Variants in ROPN1 observed in about 807,000 individuals in gnomAD.
ROPN1 encodes ropporin-1A.
ROPN1 carries 14 observed loss-of-function variants against 20.5 expected under a neutral mutation model. The observed-to-expected ratio is 0.68, with a 90% CI of 0.45 to 1.07. ROPN1 has a LOEUF of 1.07. Among genes scored for constraint, ROPN1 ranks in the 50% least tolerant of loss-of-function variants. ROPN1 has a pLI of 0.00. For synonymous variants in ROPN1, 76 were observed against 95.7 expected (o/e 0.79, Z 1.20); for missense variants, 169 against 242.8 (o/e 0.70, Z 2.02).
At chr3:123,969,604 C>T (rs1445454329) in intron 5 of ROPN1, among the ~76,000 whole-genome samples, 5 of 152,216 alleles carry the variant, frequency 3.3e-5, no homozygotes, top group African/African-American at 4.8e-5. Flanking sequence ...CCATGACCGG[C>T]CCTCTTTTTC....
intron 4 of ROPN1, among the ~76,000 whole-genome samples, chr3:123,973,659 G>A (rs1182688252): frequency 6.6e-6 from 1 of 152,174 alleles, no homozygotes; most frequent in Non-Finnish European, 1.5e-5. Context: ...TTACTGTGAG[G>A]TATGGGGATA....
Position 123,976,934 on chromosome 3 carries a change from C to G in ROPN1, c.164G>C (p.Arg55Pro), listed in dbSNP as rs149212157. 1 of 1,614,100 alleles carries G rather than the reference C, an allele frequency of 6.2e-7. No individual in the cohort carries two copies. The stretch of plus-strand genomic sequence containing the variant: ...GTTACACAAAGCGACTCGCTCAGAC[C>G]GCTCTCTCACCGGAGGCGTCTCTCC... The part of the protein sequence containing the change: ...SRGETPPVRE[R>P]SERVALCNRA... The change falls in exon 3 of 6, where the codon CGG becomes CCG. Residue 55 changes from arginine (R) to proline (P), a missense_variant. Transcript: ENST00000405845.
At chr3:123,983,854 C>G (rs2038200397) in intron 1 of ROPN1, among the ~76,000 whole-genome samples, 1 of 152,164 alleles carries the variant, frequency 6.6e-6, no homozygotes, top group African/African-American at 2.4e-5. Context: ...AATATATTAG[C>G]ATTATTTCAC....
At chr3:123,988,540 G>A (rs1182134374) in intron 1 of ROPN1, among the ~76,000 whole-genome samples, 1 of 152,106 alleles carries the variant, frequency 6.6e-6, no homozygotes, top group Non-Finnish European at 1.5e-5. Flanking sequence ...CATTCCTGAT[G>A]ATATTCAGCA....
intron 5 of ROPN1, 58 bp downstream of exon 5, chr3:123,969,984 C>T: frequency 6.5e-7 from 1 of 1,550,366 alleles, no homozygotes; most frequent in African/African-American, 1.4e-5. Flanking sequence ...ACTATCTTGG[C>T]CAGCTAGATT....
At chr3:123,973,475 C>T (rs1228715040) in intron 4 of ROPN1, among the ~76,000 whole-genome samples, 1 of 152,118 alleles carries the variant, frequency 6.6e-6, no homozygotes, top group Non-Finnish European at 1.5e-5. Context: ...AGATGAACCT[C>T]ATGGAATATT....
chr3:123,969,209 AT>A lies in ROPN1; in HGVS notation c.584del (p.Asp195ValfsTer3). On this transcript the variant is annotated frameshift_variant, in exon 6 of 6. Transcript: ENST00000405845. LOFTEE classifies it high-confidence loss of function. ...NYMEQEVIGP[D>X]GIITVNDFTQ... ...TAAAGTCATTCACTGTGATTATACC[AT>A]CAGGGCCAATTCTGTTTGGAAAAAG... 1 of 1,613,734 alleles carries A rather than the reference AT, an allele frequency of 6.2e-7. No homozygotes were observed. Among genetic ancestry groups the A allele is most frequent in the Non-Finnish European group, 8.5e-7 (1 of 1,179,616 alleles).
In ROPN1 at chr3:123,979,802, A is replaced by G. The variant is rs541331314; in HGVS notation, c.116+564T>C. ...GAGAAACACTAAAGAAAATAACAAT[A>G]ATTTCCTCCAAGACAAGATATAAAG... On this transcript the variant is annotated intron_variant, in intron 2 of 5. Coordinates refer to ENST00000405845, the MANE Select transcript of ROPN1 (RefSeq NM_001317774.2). 4 of 347,546 alleles carry G rather than the reference A, an allele frequency of 1.2e-5. No individual in the cohort carries two copies. In the East Asian group the frequency reaches 3.2e-4, roughly 28 times the overall value. 21.5% of individuals were successfully genotyped at this position (347,546 alleles called of 1,614,324 possible).
intron 1 of ROPN1, among the ~76,000 whole-genome samples, chr3:123,987,961 A>G (rs537701286): frequency 3.3e-5 from 5 of 152,312 alleles, no homozygotes; most frequent in African/African-American, 7.2e-5. Flanking sequence ...CTAGGGACAC[A>G]TGGCTCATTT....
chr3:123,980,890 C>G (rs867063222), intron 1 of ROPN1, among the ~76,000 whole-genome samples: 10 of 152,176 alleles, frequency 6.6e-5, no homozygotes, highest in African/African-American at 2.4e-4. Flanking sequence ...GAACATCTTT[C>G]CATGTCGTCC....
At chr3:123,986,877 G>A (rs544000107) in intron 1 of ROPN1, among the ~76,000 whole-genome samples, 33 of 152,370 alleles carry the variant, frequency 2.2e-4, no homozygotes, top group Admixed American at 3.9e-4. Flanking sequence ...GCTATGGTGT[G>A]GACCCCCAAG....
intron 1 of ROPN1, among the ~76,000 whole-genome samples, chr3:123,984,833 A>G (rs1257361906): frequency 6.6e-6 from 1 of 152,002 alleles, no homozygotes; most frequent in East Asian, 1.9e-4. Context: ...TCTTCCCCTC[A>G]GTATTTTGCT....
At chr3:123,973,366 C>G (rs1040638668) in intron 4 of ROPN1, among the ~76,000 whole-genome samples, 10 of 152,116 alleles carry the variant, frequency 6.6e-5, no homozygotes, top group African/African-American at 2.4e-4. Flanking sequence ...ATGTCAAGGC[C>G]TCTTAGAATT....
intron 1 of ROPN1, among the ~76,000 whole-genome samples, chr3:123,990,596 A>T (rs756162322): frequency 1.3e-4 from 20 of 152,242 alleles, no homozygotes; most frequent in Non-Finnish European, 2.2e-4. Flanking sequence ...TGTTCACATC[A>T]AAGAAGTGGG....
intron 3 of ROPN1, among the ~76,000 whole-genome samples, chr3:123,976,623 G>A (rs893734057): frequency 2.6e-5 from 4 of 152,208 alleles, no homozygotes; most frequent in Non-Finnish European, 4.4e-5. Flanking sequence ...TTGAGCCCCT[G>A]TACATTCTGC....
chr3:123,983,119 G>T (rs1295894640), intron 1 of ROPN1, among the ~76,000 whole-genome samples: 2 of 152,212 alleles, frequency 1.3e-5, no homozygotes, highest in South Asian at 2.1e-4. Flanking sequence ...TGTTCTTAAG[G>T]CTGAATACTA....
At chr3:123,984,423 A>G (rs903570891) in intron 1 of ROPN1, among the ~76,000 whole-genome samples, 2 of 151,962 alleles carry the variant, frequency 1.3e-5, no homozygotes, top group Non-Finnish European at 2.9e-5. Flanking sequence ...AATCTCACTA[A>G]ATCCCACTAT....
intron 3 of ROPN1, chr3:123,975,847 T>A: frequency 5.4e-6 from 2 of 371,522 alleles, no homozygotes; most frequent in Non-Finnish European, 1.0e-5. Flanking sequence ...CTAAATTGTT[T>A]TATTCCTTAT....
intron 1 of ROPN1, among the ~76,000 whole-genome samples, chr3:123,985,817 G>A (rs576227345): frequency 6.6e-6 from 1 of 151,670 alleles, no homozygotes; most frequent in African/African-American, 2.4e-5. Context: ...TTCAAGACCA[G>A]CCTGGGCAAC....
Sources: allele counts gnomAD v4.1 joint callset (sites outside exome capture counted in the v4.1 genomes callset), GRCh38; gene constraint gnomAD v4.1.1; transcripts MANE v1.5; gene names NCBI Gene and HGNC (gene_info 2026-07-23, HGNC 2026-07-21).